The following ITGAX variants were observed in gnomAD, a reference collection of about 807,000 sequenced individuals.
ITGAX encodes integrin alpha-X.
In ITGAX, 99 loss-of-function variants were observed where a neutral mutation model predicts 140.2. That is an observed-to-expected ratio of 0.71 (90% confidence interval 0.60 to 0.83). ITGAX has a LOEUF of 0.83. ITGAX is among the 40% of genes least tolerant of loss of function. ITGAX has a pLI of 0.00. For synonymous variants in ITGAX, 631 were observed against 600.4 expected, an observed-to-expected ratio of 1.05 and a Z score of -0.75; for missense variants, 1,444 against 1,482.0, an observed-to-expected ratio of 0.97 and a Z score of 0.42.
rs2080763056 is a variant in ITGAX at position 31,356,650 on chromosome 16, A to G, written c.169A>G (p.Ile57Val). 6.2e-7 allele frequency: 1 copy of G among 1,601,336 alleles called. No individual in the cohort carries two copies. The highest frequency in any genetic ancestry group is 8.5e-7 in the Non-Finnish European group (1 of 1,175,052). ...GGTGGTGGTTGGAGCCCCCCAAAAG[A>G]TAACAGCTGCCAACCAAACGGGTGG... The part of the protein sequence containing the change: ...SWVVVGAPQK[I>V]TAANQTGGLY... The change falls in exon 3 of 30, where the codon ATA becomes GTA. Residue 57 changes from isoleucine to valine, a missense_variant. By Grantham distance (29) the Ile-to-Val change is conservative (BLOSUM62 3). Transcript: ENST00000268296.
At chr16:31,381,143 A>C (rs774959976) in intron 29 of ITGAX, 136 bp downstream of exon 29, 4 of 617,430 alleles carry the variant, frequency 6.5e-6, no homozygotes, top group African/African-American at 1.8e-5. Flanking sequence ...TCCCACCTGC[A>C]ATGTCACCTG....
intron 14 of ITGAX, 41 bp from the exon 15 acceptor site, chr16:31,371,043 C>G: frequency 1.2e-6 from 2 of 1,612,700 alleles, no homozygotes; most frequent in Non-Finnish European, 1.7e-6. Context: ...AACTTCTTCC[C>G]CTACTTTCCA....
chr16:31,382,244 CTTTTCTTTTTT>C lies in ITGAX; in HGVS notation c.*342_*352del. 1 of 817,830 alleles carries C rather than the reference CTTTTCTTTTTT, an allele frequency of 1.2e-6. No homozygotes were observed. The allele number at this position is 817,830 out of a possible 1,614,324, so 50.7% of individuals were successfully genotyped here. ...CTTTCCTTTCTTTTTTTTTTTTTTT[CTTTTCTTTTTT>C]TTTTTTTTGAGACGGAGTCTCGCTC... On this transcript the variant is annotated 3_prime_UTR_variant, in exon 30 of 30. Transcript: ENST00000268296.
intron 17 of ITGAX, among the ~76,000 whole-genome samples, chr16:31,372,171 G>GGC (rs560994585): frequency 1.3e-5 from 2 of 151,628 alleles, no homozygotes; most frequent in Non-Finnish European, 2.9e-5. Flanking sequence ...GGTCTGGGGG[G>GGC]GGGGAGGAAA....
intron 3 of ITGAX, 78 bp from the exon 4 acceptor site, chr16:31,356,953 G>A: frequency 4.0e-6 from 5 of 1,255,716 alleles, no homozygotes; most frequent in East Asian, 2.3e-5. Flanking sequence ...TCTCCCAGGT[G>A]GAGGTGACCC....
rs377605739 is a variant in ITGAX, at chr16:31,380,977, G to C, written c.3357G>C (p.Leu1119=). The C allele has an allele frequency of 1.2e-6, 2 of 1,614,014 alleles. No homozygotes were observed. The highest frequency in any genetic ancestry group is 2.7e-5 in the African/African-American group (2 of 74,922). The part of the protein sequence containing the change: ...IVGSSIGGLL[L]LALITAVLYK... ...GCAGCTCCATTGGGGGTCTGTTGCT[G>C]CTGGCACTCATCACAGCGGTACTGT... is the stretch of plus-strand genomic sequence containing the variant. The change falls in exon 29 of 30, where the codon CTG becomes CTC. Residue 1119 remains leucine (L), a synonymous_variant. Transcript: ENST00000268296.
intron 5 of ITGAX, among the ~76,000 whole-genome samples, chr16:31,359,074 C>A (rs1801965530): frequency 1.3e-5 from 2 of 152,144 alleles, no homozygotes; most frequent in Admixed American, 1.3e-4. Flanking sequence ...CCTGCCTAGG[C>A]CTCCCAAAGT....
intron 14 of ITGAX, among the ~76,000 whole-genome samples, chr16:31,368,072 G>A (rs1445525742): frequency 1.3e-5 from 2 of 152,034 alleles, no homozygotes; most frequent in African/African-American, 4.8e-5. Flanking sequence ...AATTAGAAGT[G>A]GAGCCTGAAT....
intron 5 of ITGAX, among the ~76,000 whole-genome samples, chr16:31,359,227 G>A (rs924820320): frequency 6.6e-6 from 1 of 151,974 alleles, no homozygotes. Context: ...GGAGTGCTGT[G>A]GTGCGATCTC....
Position 31,357,354 on chromosome 16 carries a change from G to A in ITGAX, c.420G>A (p.Val140=), listed in dbSNP as rs2080774802. The change falls in exon 5 of 30, where the codon GTG becomes GTA. Residue 140 remains valine, a synonymous_variant. Transcript: ENST00000268296. The stretch of plus-strand genomic sequence containing the variant: ...CCCAGCTCACCCAGAGGCTCCCGGT[G>A]TCCAGGCAGGGTGAGTGTCGGGACC... ...GPTQLTQRLP[V]SRQECPRQEQ... 1 of 1,600,714 alleles carries A rather than the reference G, an allele frequency of 6.2e-7. No individual in the cohort carries two copies.
rs1421657590 is a variant in ITGAX at position 31,371,363 on chromosome 16, G to A, written c.1871G>A (p.Ser624Asn). Reference protein sequence around the residue: ...RTRPVLWVGVSMQFIPAEIPR... With the variant: ...RTRPVLWVGVNMQFIPAEIPR... The stretch of plus-strand genomic sequence containing the variant: ...AGACCTGTGCTCTGGGTGGGGGTGA[G>A]CATGCAGTTCATACCTGCCGAGATC... The change falls in exon 16 of 30, where the codon AGC becomes AAC. Residue 624 changes from serine (S) to asparagine (N), a missense_variant. Ser to Asn is a conservative substitution (Grantham distance 46). Coordinates refer to ENST00000268296, the MANE Select transcript of ITGAX (RefSeq NM_000887.5). 13 of 1,614,186 alleles carry A rather than the reference G, an allele frequency of 8.1e-6. No homozygotes were observed. In the East Asian group the frequency reaches 2.0e-4, roughly 25 times the overall value.
intron 20 of ITGAX, among the ~76,000 whole-genome samples, chr16:31,376,418 C>G (rs2081019582): frequency 6.6e-6 from 1 of 151,952 alleles, no homozygotes; most frequent in South Asian, 2.1e-4. Flanking sequence ...GCCAGGAGTT[C>G]AAGACCAGCC....
intron 8 of ITGAX, 26 bp from the exon 9 acceptor site, chr16:31,361,037 A>G (rs1239428201): frequency 5.0e-6 from 8 of 1,606,712 alleles, no homozygotes; most frequent in Non-Finnish European, 5.9e-6. Context: ...TATTATTTTT[A>G]CTGAGTTGAT....
Position 31,363,310 on chromosome 16 carries a change from A to G in ITGAX, c.1646A>G (p.Asn549Ser), listed in dbSNP as rs149382567. 2.5e-5 allele frequency: 41 copies of G among 1,613,746 alleles called. No homozygotes were observed. Among genetic ancestry groups the G allele is most frequent in the Non-Finnish European group, 3.1e-5 (36 of 1,179,910 alleles). Residue 549 changes from asparagine to serine, a missense_variant, in exon 14 of 30, where the codon AAC becomes AGC. Transcript: ENST00000268296. ...ATCGGGGCCCCAGGAGAGGAGGAGA[A>G]CCGGGGTGCTGTCTACCTGTTTCAC... ...VVIGAPGEEENRGAVYLFHGV... is the reference protein window; with the variant it reads ...VVIGAPGEEESRGAVYLFHGV...
rs778172802 is a variant in ITGAX at position 31,373,238 on chromosome 16, C to T, written c.2367-11C>T. 1.6e-5 allele frequency: 25 copies of T among 1,608,304 alleles called. No individual in the cohort carries two copies. The highest frequency in any genetic ancestry group is 2.2e-5 in the South Asian group (2 of 90,358). The stretch of plus-strand genomic sequence containing the variant: ...AGAATCATCTTCTCCTTTCCTTCAC[C>T]TGATACCCAGCTTGAAGTCCCTGCT... On this transcript the variant is annotated splice_polypyrimidine_tract_variant and intron_variant, in intron 19 of 29. Transcript: ENST00000268296.
Position 31,382,550 on chromosome 16 carries a change from G to A in ITGAX, c.*643G>A. 2 of 973,786 alleles carry A rather than the reference G, an allele frequency of 2.1e-6. No homozygotes were observed. Among genetic ancestry groups the A allele is most frequent in the Non-Finnish European group, 3.2e-6 (2 of 632,994 alleles). 60.3% of individuals were successfully genotyped at this position (973,786 alleles called of 1,614,324 possible). On this transcript the variant is annotated 3_prime_UTR_variant, in exon 30 of 30. Transcript: ENST00000268296. ...TTCCATCCCAGAGGGTGGGCTTCAG[G>A]GCGCACAGCATGAGAGGCTCTGTGC...
chr16:31,360,976 T>C lies in ITGAX; in HGVS notation c.862-87T>C, dbSNP rs2080818361. On this transcript the variant is annotated intron_variant, in intron 8 of 29. Coordinates refer to ENST00000268296, the MANE Select transcript of ITGAX (RefSeq NM_000887.5). ...CCACCGGGTGTGATCATGTTGATCT[T>C]GTGGGGTTATTGGAAGATGTTGCAC... 7 of 1,283,240 alleles carry C rather than the reference T, an allele frequency of 5.5e-6. No individual in the cohort carries two copies. In the South Asian group the frequency reaches 7.4e-5, roughly 14 times the overall value. 79.5% of individuals were successfully genotyped at this position (1,283,240 alleles called of 1,614,324 possible).
rs200270436 is a variant in ITGAX at position 31,381,797 on chromosome 16, C to G, written c.3388-6C>G. ...TCCTGAGTTTCTTCTTCGTCCTCCC[C>G]CCTAGGTTGGCTTCTTCAAGCGTCA... On this transcript the variant is annotated splice_polypyrimidine_tract_variant and splice_region_variant and intron_variant, in intron 29 of 29. Transcript: ENST00000268296. 3 of 872,398 alleles carry G rather than the reference C, an allele frequency of 3.4e-6. No individual in the cohort carries two copies. Among genetic ancestry groups the G allele is most frequent in the African/African-American group, 3.3e-5 (2 of 61,374 alleles). The allele number at this position is 872,398 out of a possible 1,614,324, so 54.0% of individuals were successfully genotyped here.
At chr16:31,358,813 G>T (rs924874030) in intron 5 of ITGAX, among the ~76,000 whole-genome samples, 9 of 139,152 alleles carry the variant, frequency 6.5e-5, no homozygotes, top group African/African-American at 1.6e-4. Context: ...AATCTTCCTG[G>T]TTTTTTTTTT....
Sources: allele counts gnomAD v4.1 joint callset (sites outside exome capture counted in the v4.1 genomes callset), GRCh38; gene constraint gnomAD v4.1.1; transcripts MANE v1.5; gene names NCBI Gene and HGNC (gene_info 2026-07-23, HGNC 2026-07-21).